The following GPC3 variants were observed in gnomAD, a reference collection of about 807,000 sequenced individuals.
GPC3 encodes glypican-3.
GPC3 carries 3 observed loss-of-function variants against 34.4 expected under a neutral mutation model. The ratio of observed to expected loss-of-function variants is 0.09; its 90% CI spans 0.04 to 0.23. The LOEUF (loss-of-function observed/expected upper bound fraction) is 0.23. GPC3 is among the 10% of genes least tolerant of loss of function. GPC3 has a pLI of 1.00. For missense variants in GPC3, 351 were observed against 445.6 expected (o/e 0.79, Z 1.91); for synonymous variants, 177 against 174.0 (o/e 1.02, Z -0.13).
rs757695906 is a variant in GPC3, at chrX:133,592,035, G to A, written c.1573+4405C>T. Among the ~76,000 whole-genome samples the A allele has an allele frequency of 4.5e-5, 5 of 111,073 alleles. No homozygotes were observed. In the South Asian group the frequency reaches 2.0e-3, roughly 44 times the overall value. On this transcript the variant is annotated intron_variant, in intron 7 of 7. Coordinates refer to ENST00000370818, the MANE Select transcript of GPC3 (RefSeq NM_004484.4). The stretch of plus-strand genomic sequence containing the variant: ...GTCAGAGTAGGCTTGTTCAAGGAGT[G>A]GCCTCTGAAACCAGACTTCTTGGCT...
intron 2 of GPC3, among the ~76,000 whole-genome samples, chrX:133,942,453 T>G (rs1021103162): frequency 1.8e-5 from 2 of 112,023 alleles, no homozygotes; most frequent in Admixed American, 9.5e-5. Context: ...AGCCCCTAGA[T>G]ACTATATTTA....
chrX:133,553,812 T>C (rs1336377978), intron 7 of GPC3, among the ~76,000 whole-genome samples: 1 of 112,179 alleles, frequency 8.9e-6, no homozygotes, highest in African/African-American at 3.2e-5. Context: ...TTCAAGTACA[T>C]TTCAAGCACA....
intron 2 of GPC3, among the ~76,000 whole-genome samples, chrX:133,842,298 A>G (rs1220760289): frequency 2.8e-5 from 3 of 108,356 alleles, no homozygotes; most frequent in African/African-American, 1.0e-4. Flanking sequence ...AGCCTGGGCC[A>G]CGGAGTGAGA....
intron 2 of GPC3, among the ~76,000 whole-genome samples, chrX:133,841,673 G>A (rs1477062341): frequency 9.0e-6 from 1 of 111,666 alleles, no homozygotes; most frequent in African/African-American, 3.3e-5. Context: ...TTAATACTGA[G>A]TGTCAACTTG....
chrX:133,538,518 A>G (rs2069313951), intron 7 of GPC3, among the ~76,000 whole-genome samples: 1 of 111,092 alleles, frequency 9.0e-6, no homozygotes, highest in African/African-American at 3.3e-5. Context: ...CAGCTCCTAC[A>G]CTGTTTCTTT....
At chrX:133,719,547 G>A (rs1175902836) in intron 3 of GPC3, among the ~76,000 whole-genome samples, 1 of 111,312 alleles carries the variant, frequency 9.0e-6, no homozygotes, top group South Asian at 3.8e-4. Flanking sequence ...GTTAGTGGGT[G>A]CAGTGCACCA....
intron 7 of GPC3, among the ~76,000 whole-genome samples, chrX:133,582,913 C>T (rs752201320): frequency 1.5e-3 from 171 of 111,022 alleles, no homozygotes; most frequent in Non-Finnish European, 2.2e-3. Flanking sequence ...GTTTGCTTTT[C>T]TAACATGGGG....
intron 2 of GPC3, among the ~76,000 whole-genome samples, chrX:133,935,959 C>T (rs1020297030): frequency 1.8e-5 from 2 of 110,278 alleles, no homozygotes; most frequent in African/African-American, 6.6e-5. Flanking sequence ...GTCACCCAGG[C>T]TGGAGTGCAG....
chrX:133,714,868 T>C (rs1328178880), intron 3 of GPC3, among the ~76,000 whole-genome samples: 1 of 112,061 alleles, frequency 8.9e-6, no homozygotes, highest in African/African-American at 3.2e-5. Context: ...TCTCCAGTTC[T>C]GAAGTACTTT....
chrX:133,748,048 G>A (rs938542064), intron 3 of GPC3, among the ~76,000 whole-genome samples: 3 of 112,077 alleles, frequency 2.7e-5, no homozygotes, highest in African/African-American at 9.7e-5. Context: ...TAGTTATTTT[G>A]GGGATTAAAG....
chrX:133,981,896 C>A (rs2076541129), intron 1 of GPC3, among the ~76,000 whole-genome samples: 1 of 112,241 alleles, frequency 8.9e-6, no homozygotes, highest in African/African-American at 3.2e-5. Flanking sequence ...GATTGGTTCT[C>A]GCACTTTCCA....
At chrX:133,924,564 C>G (rs185230226) in intron 2 of GPC3, among the ~76,000 whole-genome samples, 3 of 111,729 alleles carry the variant, frequency 2.7e-5, no homozygotes. Flanking sequence ...GCCCCCAACA[C>G]AATTGGCAGA....
At chrX:133,556,939 AT>A (rs980708503) in intron 7 of GPC3, among the ~76,000 whole-genome samples, 1 of 108,932 alleles carries the variant, frequency 9.2e-6, no homozygotes, top group Non-Finnish European at 1.9e-5. Context: ...AAAAATAAAG[AT>A]TTTTTTTTGA....
intron 4 of GPC3, among the ~76,000 whole-genome samples, chrX:133,695,237 C>T (rs1245556854): frequency 9.0e-6 from 1 of 111,565 alleles, no homozygotes; most frequent in South Asian, 3.8e-4. Flanking sequence ...GATGGGGGAA[C>T]CACCTCCATG....
intron 3 of GPC3, among the ~76,000 whole-genome samples, chrX:133,747,055 G>A (rs2071619418): frequency 1.8e-5 from 2 of 111,753 alleles, no homozygotes; most frequent in South Asian, 7.6e-4. Flanking sequence ...AATAAATACT[G>A]ACCTCAGAAA....
intron 6 of GPC3, among the ~76,000 whole-genome samples, chrX:133,625,038 C>G (rs1444215251): frequency 1.8e-5 from 2 of 111,741 alleles, no homozygotes; most frequent in African/African-American, 3.3e-5. Context: ...TGTAATCCAT[C>G]ATATAAACAG....
At chrX:133,975,461 T>C (rs1269560778) in intron 1 of GPC3, among the ~76,000 whole-genome samples, 3 of 111,375 alleles carry the variant, frequency 2.7e-5, no homozygotes, top group Non-Finnish European at 3.8e-5. Flanking sequence ...AGGGTCTCTC[T>C]CTGTCACCCA....
At chrX:133,586,521 G>GA (rs1334750052) in intron 7 of GPC3, among the ~76,000 whole-genome samples, 1 of 111,697 alleles carries the variant, frequency 9.0e-6, no homozygotes, top group African/African-American at 3.3e-5. Context: ...AGATAGAATG[G>GA]AAAAAATCAG....
intron 7 of GPC3, among the ~76,000 whole-genome samples, chrX:133,555,907 C>T (rs1323119097): frequency 3.6e-5 from 4 of 111,586 alleles, no homozygotes; most frequent in East Asian, 2.8e-4. Flanking sequence ...CCCTTAACTG[C>T]CCCTCCTCCC....
Sources: allele counts gnomAD v4.1 joint callset (sites outside exome capture counted in the v4.1 genomes callset), GRCh38; gene constraint gnomAD v4.1.1; transcripts MANE v1.5; gene names NCBI Gene and HGNC (gene_info 2026-07-23, HGNC 2026-07-21).